OVCH2: variants seen among roughly 807,000 people sequenced by gnomAD.
OVCH2 encodes ovochymase-2.
OVCH2 carries 88 observed loss-of-function variants against 73.7 expected under a neutral mutation model. The ratio of observed to expected loss-of-function variants is 1.19; its 90% confidence interval spans 1.01 to 1.43. The LOEUF is 1.43. Among genes scored for constraint, OVCH2 ranks in the 40% most tolerant of loss-of-function variants. OVCH2 has a pLI of 0.00. For missense variants in OVCH2, 706 were observed against 674.5 expected (o/e 1.05, Z -0.52); for synonymous variants, 265 against 234.5 (o/e 1.13, Z -1.19).
intron 3 of OVCH2, among the ~76,000 whole-genome samples, chr11:7,702,973 T>C (rs1354663729): frequency 1.3e-5 from 2 of 152,242 alleles, no homozygotes; most frequent in African/African-American, 4.8e-5. Context: ...TAACACATAA[T>C]GTCTCTCTTA....
rs577271381 is a variant in OVCH2, at chr11:7,696,462, C to T, written c.1141+3G>A. ...CCATTTGACACTGTGAAAATCCACT[C>T]ACCAATGGGTCTGTCTTCTAAAGAA... is the stretch of plus-strand genomic sequence containing the variant. On this transcript the variant is annotated splice_donor_region_variant and intron_variant, in intron 10 of 15. Transcript: ENST00000533663. The T allele has an allele frequency of 5.0e-6, 8 of 1,613,962 alleles. No individual in the cohort carries two copies. In the East Asian group the frequency reaches 1.8e-4, roughly 36 times the overall value.
At chr11:7,691,435 A>G (rs1200704613) in intron 13 of OVCH2, 35 bp from the exon 14 acceptor site, 5 of 1,582,220 alleles carry the variant, frequency 3.2e-6, no homozygotes, top group East Asian at 2.3e-5. Context: ...GACATTGTCA[A>G]GCACCCAGCA....
intron 13 of OVCH2, 92 bp from the exon 14 acceptor site, chr11:7,691,492 G>A (rs1856220654): frequency 2.1e-6 from 3 of 1,444,362 alleles, no homozygotes; most frequent in Admixed American, 5.0e-5. Context: ...TCATCCTTCA[G>A]GTAATTGTTG....
At position 7,702,346 on chromosome 11, in the gene OVCH2, G is replaced by A. The variant is rs777712826; in HGVS notation, c.291-17C>T. 1 of 1,557,384 alleles carries A rather than the reference G, an allele frequency of 6.4e-7. No individual in the cohort carries two copies. Among genetic ancestry groups the A allele is most frequent in the Non-Finnish European group, 8.7e-7 (1 of 1,155,276 alleles). ...ACAATGTTTCTATGGAAAGCAAAGA[G>A]TAAAATGAATGAATTTCATTGTGCC... On this transcript the variant is annotated splice_polypyrimidine_tract_variant and intron_variant, in intron 3 of 15. Coordinates refer to ENST00000533663, the MANE Select transcript of OVCH2 (RefSeq NM_198185.7).
chr11:7,700,665 A>C (rs1259876669), intron 6 of OVCH2, among the ~76,000 whole-genome samples, 180 bp from the exon 7 acceptor site: 1 of 152,164 alleles, frequency 6.6e-6, no homozygotes, highest in African/African-American at 2.4e-5. Flanking sequence ...CTCAACTATC[A>C]CTGGAACCCA....
At chr11:7,690,747 T>C (rs561092417) in intron 14 of OVCH2, among the ~76,000 whole-genome samples, 49 of 152,166 alleles carry the variant, frequency 3.2e-4, no homozygotes, top group Non-Finnish European at 2.9e-5. Flanking sequence ...TATAAACAAA[T>C]GTCCTTTTCA....
chr11:7,704,449 T>C, intron 2 of OVCH2, 116 bp downstream of exon 2: 1 of 644,906 alleles, frequency 1.6e-6, no homozygotes, highest in Non-Finnish European at 2.7e-6. Context: ...ATGACTATTC[T>C]GTCTTTCAAC....
chr11:7,683,754 A>T, the OVCH2 span, among the ~76,000 whole-genome samples: 2 of 152,290 alleles, frequency 1.3e-5, no homozygotes, highest in African/African-American at 4.8e-5. Context: ...TTTCGTATAT[A>T]TCAGGCATGC....
At chr11:7,694,910 T>C in intron 12 of OVCH2, 148 bp downstream of exon 12, 1 of 897,142 alleles carries the variant, frequency 1.1e-6, no homozygotes, top group Non-Finnish European at 1.6e-6. Context: ...AGCAAGTATT[T>C]ATTGACAGCT....
downstream of OVCH2, among the ~76,000 whole-genome samples, chr11:7,687,308 AAATAATAAT>A (rs71059120): frequency 2.9e-4 from 38 of 132,512 alleles, no homozygotes; most frequent in South Asian, 2.4e-3. Context: ...ATGGCTGTGG[AAATAATAAT>A]AATAATAATA....
chr11:7,682,479 G>A, the OVCH2 span, among the ~76,000 whole-genome samples: 1 of 152,260 alleles, frequency 6.6e-6, no homozygotes, highest in Non-Finnish European at 1.5e-5. Flanking sequence ...TGGGTCATTG[G>A]TATTGAGCTG....
intron 12 of OVCH2, among the ~76,000 whole-genome samples, chr11:7,692,775 G>A (rs1186875098): frequency 6.6e-6 from 1 of 152,166 alleles, no homozygotes; most frequent in East Asian, 1.9e-4. Context: ...TAATGACCTA[G>A]AAAAGAAAGT....
intron 6 of OVCH2, 136 bp downstream of exon 6, chr11:7,701,188 A>C: frequency 8.5e-7 from 1 of 1,176,808 alleles, no homozygotes; most frequent in Non-Finnish European, 1.2e-6. Context: ...TAGCTTCTTC[A>C]AGACTATTCT....
At chr11:7,703,403 A>G (rs1045999782) in intron 3 of OVCH2, among the ~76,000 whole-genome samples, 4 of 152,144 alleles carry the variant, frequency 2.6e-5, no homozygotes, top group Non-Finnish European at 5.9e-5. Context: ...CTAGAAGAAA[A>G]CTTTCACAAA....
rs764575586 is a variant in OVCH2, at chr11:7,696,686, G to C, written c.1016+23C>G. 14 of 1,613,770 alleles carry C rather than the reference G, an allele frequency of 8.7e-6. No homozygotes were observed. The Admixed American group carries it at 2.2e-4, about 25-fold the overall frequency. ...AGACCGGAGGTGGGAGTAAGGAGGA[G>C]GAGTACAAAGGGGGTTACTCACTGC... On this transcript the variant is annotated intron_variant, in intron 9 of 15. Coordinates refer to ENST00000533663, the MANE Select transcript of OVCH2 (RefSeq NM_198185.7).
intron 7 of OVCH2, 65 bp from the exon 8 acceptor site, chr11:7,698,838 TA>T: frequency 1.3e-6 from 2 of 1,536,938 alleles, no homozygotes; most frequent in Non-Finnish European, 1.8e-6. Flanking sequence ...TTCAAGAAGT[TA>T]GCATCTTCTT....
chr11:7,698,964 T>A, intron 7 of OVCH2, 191 bp from the exon 8 acceptor site: 2 of 551,870 alleles, frequency 3.6e-6, no homozygotes, highest in Non-Finnish European at 6.4e-6. Context: ...TAAAATGATT[T>A]AATTCTCTTT....
chr11:7,691,948 G>A lies in OVCH2; in HGVS notation c.1461C>T (p.Ser487=), dbSNP rs374913264. The A allele has an allele frequency of 2.7e-5, 43 of 1,578,308 alleles. No homozygotes were observed. Among genetic ancestry groups the A allele is most frequent in the African/African-American group, 2.6e-4 (19 of 74,356 alleles). Residue 487 remains serine, a synonymous_variant, in exon 13 of 16, where the codon TCC becomes TCT. Coordinates refer to ENST00000533663, the MANE Select transcript of OVCH2 (RefSeq NM_198185.7). The part of the protein sequence containing the change: ...LEIEESGDCT[S]DYVTVHSDVE... ...CATCGCTGTGCACTGTCACATAGTC[G>A]GAAGTGCAGTCTCCACTTTCTTCTA...
At chr11:7,680,947 A>G in the OVCH2 span, among the ~76,000 whole-genome samples, 1 of 152,124 alleles carries the variant, frequency 6.6e-6, no homozygotes, top group Non-Finnish European at 1.5e-5. Flanking sequence ...TGATGTTCTC[A>G]TTGCTTTGAT....
Sources: gnomAD v4.1 joint callset for allele counts (sites outside exome capture counted in the v4.1 genomes callset) on GRCh38, gnomAD v4.1.1 for gene constraint, MANE v1.5 for transcripts, NCBI Gene and HGNC (gene_info 2026-07-23, HGNC 2026-07-21) for gene names.